Variants in USH2A observed in about 807,000 individuals in gnomAD.
USH2A encodes the protein Usher syndrome 2A (autosomal recessive, mild).
In USH2A, 443 loss-of-function variants were observed where a neutral mutation model predicts 538.9. The observed-to-expected ratio is 0.82, with a 90% CI of 0.76 to 0.89. The LOEUF is 0.89. USH2A is among the 40% of genes least tolerant of loss of function. The probability of loss-of-function intolerance (pLI) is 0.00; values close to 1 mark genes in which losing one functional copy is unlikely to be tolerated. For synonymous variants in USH2A, 2,413 were observed against 2,273.5 expected (o/e 1.06, Z -1.75); for missense variants, 6,633 against 6,324.8 (o/e 1.05, Z -1.65).
intron 70 of USH2A, among the ~76,000 whole-genome samples, chr1:215,630,520 ATATATAT>A (rs1482395828): frequency 2.4e-4 from 27 of 112,346 alleles, no homozygotes; most frequent in African/African-American, 8.7e-4. Flanking sequence ...ATATATATAT[ATATATAT>A]GAGAGAGAGA....
chr1:216,085,215 G>C (rs1401703465), intron 24 of USH2A: 7 of 276,246 alleles, frequency 2.5e-5, no homozygotes, highest in African/African-American at 1.5e-4. Context: ...TTAAAAGTTA[G>C]ATTGGAAGGG....
chr1:216,358,614 G>A (rs756682687), intron 4 of USH2A, among the ~76,000 whole-genome samples: 7 of 151,964 alleles, frequency 4.6e-5, no homozygotes, highest in Non-Finnish European at 8.8e-5. Context: ...CAGTCTATAC[G>A]CCATCTCTAA....
chr1:216,403,059 A>T (rs2039335628), intron 3 of USH2A, among the ~76,000 whole-genome samples: 1 of 152,184 alleles, frequency 6.6e-6, no homozygotes, highest in African/African-American at 2.4e-5. Flanking sequence ...AAGGAATTGT[A>T]TACTACATAT....
chr1:216,036,470 C>T (rs2029974142), intron 32 of USH2A, among the ~76,000 whole-genome samples: 1 of 152,006 alleles, frequency 6.6e-6, no homozygotes, highest in East Asian at 1.9e-4. Context: ...TATGTATATA[C>T]ACATATATTT....
chr1:216,143,355 A>T, intron 21 of USH2A, among the ~76,000 whole-genome samples: 1 of 152,288 alleles, frequency 6.6e-6, no homozygotes, highest in South Asian at 2.1e-4. Flanking sequence ...AAAATTAGTA[A>T]AATTAACTTA....
At chr1:216,352,559 C>T (rs1358876253) in intron 4 of USH2A, among the ~76,000 whole-genome samples, 2 of 152,076 alleles carry the variant, frequency 1.3e-5, no homozygotes, top group African/African-American at 4.8e-5. Flanking sequence ...GTTGAATATA[C>T]TTTGGTGAAG....
At chr1:216,156,688 A>C (rs2033950290) in intron 21 of USH2A, among the ~76,000 whole-genome samples, 1 of 152,158 alleles carries the variant, frequency 6.6e-6, no homozygotes, top group African/African-American at 2.4e-5. Flanking sequence ...GACCTAATTA[A>C]ACTAAAGTGT....
chr1:216,149,422 C>G (rs912060966), intron 21 of USH2A, among the ~76,000 whole-genome samples: 6 of 152,180 alleles, frequency 3.9e-5, no homozygotes, highest in African/African-American at 1.4e-4. Context: ...ATACCCCTTA[C>G]CGTCCTCAAT....
intron 21 of USH2A, among the ~76,000 whole-genome samples, chr1:216,115,710 T>C (rs943882227): frequency 6.6e-6 from 1 of 151,840 alleles, no homozygotes; most frequent in Non-Finnish European, 1.5e-5. Context: ...AATTCCAAAA[T>C]AGATGAAATA....
intron 3 of USH2A, among the ~76,000 whole-genome samples, chr1:216,381,877 A>C (rs982851367): frequency 5.9e-5 from 9 of 152,190 alleles, no homozygotes; most frequent in African/African-American, 2.2e-4. Context: ...GGATACAAAA[A>C]GTCGGCCCTG....
At chr1:215,957,240 CCA>C (rs1320115369) in intron 37 of USH2A, among the ~76,000 whole-genome samples, 1 of 152,100 alleles carries the variant, frequency 6.6e-6, no homozygotes, top group Non-Finnish European at 1.5e-5. Flanking sequence ...GAACATTCTC[CCA>C]CAGTTTTTAT....
intron 67 of USH2A, among the ~76,000 whole-genome samples, chr1:215,644,404 G>C (rs908089398): frequency 2.0e-5 from 3 of 152,148 alleles, no homozygotes; most frequent in African/African-American, 7.2e-5. Flanking sequence ...TTGGCTTTTG[G>C]AACCAAAGCC....
intron 44 of USH2A, among the ~76,000 whole-genome samples, chr1:215,856,576 G>C (rs1189138084): frequency 6.6e-6 from 1 of 152,068 alleles, no homozygotes; most frequent in Admixed American, 6.6e-5. Context: ...GTGATACAAA[G>C]AACACATTTT....
chr1:215,726,191 G>A (rs1242911793), intron 61 of USH2A, among the ~76,000 whole-genome samples: 1 of 152,142 alleles, frequency 6.6e-6, no homozygotes, highest in Non-Finnish European at 1.5e-5. Context: ...TTTAGAACAT[G>A]AGTTTGAAGG....
intron 60 of USH2A, among the ~76,000 whole-genome samples, chr1:215,733,988 A>T (rs1184315457): frequency 6.6e-6 from 1 of 152,216 alleles, no homozygotes; most frequent in Non-Finnish European, 1.5e-5. Context: ...CAGCGCCCTG[A>T]TGGAGACTCT....
At chr1:216,247,616 A>C (rs1017744272) in intron 12 of USH2A, among the ~76,000 whole-genome samples, 1 of 152,190 alleles carries the variant, frequency 6.6e-6, no homozygotes, top group Admixed American at 6.6e-5. Context: ...AAGATAAGAA[A>C]TCTCTAAAGA....
Position 215,759,220 on chromosome 1 carries a change from T to C in USH2A, c.11231+440A>G, listed in dbSNP as rs1278216599. 2.0e-5 allele frequency among the ~76,000 whole-genome samples: 3 copies of C among 152,140 alleles called. No individual in the cohort carries two copies. In the East Asian group the frequency reaches 5.8e-4, roughly 29 times the overall value. On this transcript the variant is annotated intron_variant, in intron 57 of 71. Transcript: ENST00000307340. ...GTCTCTGCTGAGAAATGAATGGGAA[T>C]GAAATGCAAATATGTGGAACTTTTT...
chr1:215,692,013 G>A (rs1467065345), intron 61 of USH2A, among the ~76,000 whole-genome samples: 2 of 152,114 alleles, frequency 1.3e-5, no homozygotes, highest in East Asian at 3.9e-4. Flanking sequence ...GCTGAGACCA[G>A]GACAATAAAG....
chr1:215,922,879 T>C (rs571485965), intron 38 of USH2A, among the ~76,000 whole-genome samples: 1 of 152,162 alleles, frequency 6.6e-6, no homozygotes, highest in Admixed American at 6.6e-5. Context: ...GCACAAGAGT[T>C]ATTACTAGAA....
Sources: allele counts gnomAD v4.1 joint callset (sites outside exome capture counted in the v4.1 genomes callset), GRCh38; gene constraint gnomAD v4.1.1; transcripts MANE v1.5; gene names NCBI Gene and HGNC (gene_info 2026-07-23, HGNC 2026-07-21).